Variants in SPATA6L observed in about 807,000 individuals in gnomAD.
SPATA6L encodes spermatogenesis associated 6-like protein.
SPATA6L carries 68 observed loss-of-function variants against 49.2 expected under a neutral mutation model. The observed-to-expected ratio is 1.38, with a 90% CI of 1.14 to 1.69. The LOEUF (loss-of-function observed/expected upper bound fraction) is 1.69, where lower values mean the gene tolerates loss of function less well. Ranked by LOEUF, SPATA6L falls within the 40% of genes most tolerant of loss-of-function variation. The pLI is 0.00. For missense variants in SPATA6L, 668 were observed against 464.3 expected, an observed-to-expected ratio of 1.44 and a Z score of -4.03; for synonymous variants, 198 against 165.7, an observed-to-expected ratio of 1.19 and a Z score of -1.50.
intron 3 of SPATA6L, among the ~76,000 whole-genome samples, chr9:4,636,132 G>A (rs1455398477): frequency 6.7e-6 from 1 of 149,094 alleles, no homozygotes. Context: ...TGCATAATTT[G>A]GAAATACACT....
intron 13 of SPATA6L, among the ~76,000 whole-genome samples, chr9:4,593,262 T>TA (rs1178157694): frequency 6.6e-6 from 1 of 152,226 alleles, no homozygotes; most frequent in African/African-American, 2.4e-5. Flanking sequence ...TTTTATTTGA[T>TA]ACAACCAAAT....
chr9:4,604,117 A>G (rs1824086776), intron 11 of SPATA6L, 62 bp downstream of exon 11: 3 of 1,155,210 alleles, frequency 2.6e-6, no homozygotes, highest in South Asian at 2.9e-5. Context: ...GGAAACTGAA[A>G]TTCTTTTAGC....
chr9:4,614,656 T>G (rs1827545770), intron 9 of SPATA6L, among the ~76,000 whole-genome samples: 1 of 151,956 alleles, frequency 6.6e-6, no homozygotes, highest in Non-Finnish European at 1.5e-5. Context: ...CTGTCTTGGT[T>G]TACCTGGGAC....
Position 4,662,999 on chromosome 9 carries a change from C to G in SPATA6L, c.40-963G>C, listed in dbSNP as rs142236109. ...TTGTCACTCTCTCGGTGGACAAGTA[C>G]TCCTTCCCCTCGGGCCATGCCACAA... On this transcript the variant is annotated intron_variant, in intron 1 of 11. Transcript: ENST00000682582. This position sits in a 1 kb window ranked among gnomAD's most constrained non-coding sequence, Gnocchi z 4.9. 6.2e-7 allele frequency: 1 copy of G among 1,610,532 alleles called. No individual in the cohort carries two copies. Among genetic ancestry groups the G allele is most frequent in the Non-Finnish European group, 8.5e-7 (1 of 1,178,866 alleles).
chr9:4,629,716 T>C (rs1410309580), intron 4 of SPATA6L, among the ~76,000 whole-genome samples: 3 of 149,638 alleles, frequency 2.0e-5, no homozygotes, highest in Non-Finnish European at 4.4e-5. Context: ...CTATTTTTTG[T>C]TCTTAGTACC....
intron 11 of SPATA6L, among the ~76,000 whole-genome samples, chr9:4,602,387 G>A (rs760146858): frequency 2.8e-4 from 43 of 152,260 alleles, no homozygotes; most frequent in Non-Finnish European, 5.3e-4. Context: ...AACGTTCTAA[G>A]GTAGAAGCCT....
At chr9:4,632,193 T>A (rs2130534042) in intron 4 of SPATA6L, among the ~76,000 whole-genome samples, 2 of 151,942 alleles carry the variant, frequency 1.3e-5, no homozygotes, top group South Asian at 4.2e-4. Flanking sequence ...CTAATTTTTG[T>A]ATTTTCAGTA....
rs71496487 is a variant in SPATA6L, at chr9:4,662,365, C to T, written c.40-329G>A. ...TCCGGCCAGGTCCCGGGATCCGGGCCGCCAGCTGCGATGCCAAGTCCCCGG... is the reference window on the plus strand; with the variant it reads ...TCCGGCCAGGTCCCGGGATCCGGGCTGCCAGCTGCGATGCCAAGTCCCCGG... On this transcript the variant is annotated intron_variant, in intron 1 of 11. Coordinates refer to ENST00000682582, the MANE Select transcript of SPATA6L (RefSeq NM_001353486.2). This position sits in a 1 kb window ranked among gnomAD's most constrained non-coding sequence, Gnocchi z 4.9. 2 of 1,497,238 alleles carry T rather than the reference C, an allele frequency of 1.3e-6. No homozygotes were observed. The highest frequency in any genetic ancestry group is 1.3e-5 in the South Asian group (1 of 77,592). The allele number at this position is 1,497,238 out of a possible 1,614,324, so 92.7% of individuals were successfully genotyped here.
chr9:4,664,772 T>C (rs1297833820), intron 1 of SPATA6L: 1 of 167,100 alleles, frequency 6.0e-6, no homozygotes, highest in East Asian at 1.9e-4. Context: ...TAGGTTTTGA[T>C]TGAGTGAAAG....
intron 3 of SPATA6L, among the ~76,000 whole-genome samples, chr9:4,650,869 T>TGC: frequency 8.4e-6 from 1 of 118,576 alleles, no homozygotes; most frequent in African/African-American, 3.2e-5. Context: ...TGTGTGTGTG[T>TGC]GTGTGTATTT....
Position 4,662,089 on chromosome 9 carries a change from T to C in SPATA6L, c.40-53A>G. 6.3e-7 allele frequency: 1 copy of C among 1,598,044 alleles called. No homozygotes were observed. The highest frequency in any genetic ancestry group is 8.5e-7 in the Non-Finnish European group (1 of 1,171,568). Reference sequence around the variant, plus strand: ...GGGAGAGAAAACAGACTTTGCTTTGTTTTGTTACACGGGGCTCTATTTCTC... The same window carrying C: ...GGGAGAGAAAACAGACTTTGCTTTGCTTTGTTACACGGGGCTCTATTTCTC... On this transcript the variant is annotated intron_variant, in intron 1 of 11. Transcript: ENST00000682582. This position sits in a 1 kb window ranked among gnomAD's most constrained non-coding sequence, Gnocchi z 4.9.
chr9:4,594,777 C>T (rs1564081267), downstream of SPATA6L, among the ~76,000 whole-genome samples: 1 of 152,120 alleles, frequency 6.6e-6, no homozygotes, highest in Non-Finnish European at 1.5e-5. Flanking sequence ...TTTCTCTTCC[C>T]ACGTAATTCT....
intron 4 of SPATA6L, among the ~76,000 whole-genome samples, chr9:4,629,769 G>GTGTGTGTGTATATATATATATATATA (rs1311805859): frequency 6.9e-5 from 7 of 101,916 alleles, no homozygotes; most frequent in South Asian, 6.7e-4. Context: ...GTGTGTGTGT[G>GTGTGTGTGTATATATATATATATATA]TATATATATA....
chr9:4,607,491 C>A (rs1391023232), intron 9 of SPATA6L, among the ~76,000 whole-genome samples: 8 of 152,134 alleles, frequency 5.3e-5, no homozygotes, highest in South Asian at 2.1e-4. Flanking sequence ...GCCAATATTC[C>A]ACATTCTTAA....
chr9:4,666,446 G>T lies in SPATA6L; in HGVS notation c.-196C>A, dbSNP rs536508497. ...GACGGGTCTCTCACACTCGAAGCTG[G>T]AGTGCAGGCTTCCAGAAGGCGGAAG... On this transcript the variant is annotated 5_prime_UTR_variant, in exon 1 of 12. Coordinates refer to ENST00000682582, the MANE Select transcript of SPATA6L (RefSeq NM_001353486.2). 3 of 606,012 alleles carry T rather than the reference G, an allele frequency of 5.0e-6. No homozygotes were observed. The highest frequency in any genetic ancestry group is 5.6e-5 in the East Asian group (2 of 35,418). The allele number at this position is 606,012 out of a possible 1,614,324, so 37.5% of individuals were successfully genotyped here.
In SPATA6L at chr9:4,656,067, G is replaced by A; in HGVS notation, c.200C>T (p.Pro67Leu). Residue 67 changes from proline to leucine, a missense_variant, in exon 3 of 12, where the codon CCT (proline) becomes CTT (leucine). Transcript: ENST00000682582. ...TTCCAAAAGGTCTACTACAGCTCCA[G>A]GATCTACTGCACTTTCAAATACCTG... ...FEKVFESAVD[P>L]GAVVDLLEMW... The A allele has an allele frequency of 6.2e-7, 1 of 1,612,812 alleles. No individual in the cohort carries two copies. The highest frequency in any genetic ancestry group is 8.5e-7 in the Non-Finnish European group (1 of 1,179,440).
At position 4,661,969 on chromosome 9, in the gene SPATA6L, T is replaced by C. The variant is rs1456586272; in HGVS notation, c.107A>G (p.Gln36Arg). The change falls in exon 2 of 12, where the codon CAG becomes CGG. Residue 36 changes from glutamine to arginine, a missense_variant. Coordinates refer to ENST00000682582, the MANE Select transcript of SPATA6L (RefSeq NM_001353486.2). ...GGGAAAGCTGTTGGTCTCCAGGTACTGATTCATGAGGTAGACCCCGAGGTA... is the reference window on the plus strand; with the variant it reads ...GGGAAAGCTGTTGGTCTCCAGGTACCGATTCATGAGGTAGACCCCGAGGTA... ...DVYLGVYLMN[Q>R]YLETNSFPSA... 1 of 1,614,122 alleles carries C rather than the reference T, an allele frequency of 6.2e-7. No individual in the cohort carries two copies. The highest frequency in any genetic ancestry group is 1.3e-5 in the African/African-American group (1 of 75,042).
At chr9:4,595,892 G>A (rs1822214640), downstream of SPATA6L, among the ~76,000 whole-genome samples, 1 of 152,180 alleles carries the variant, frequency 6.6e-6, no homozygotes, top group Non-Finnish European at 1.5e-5. Context: ...GTGGCTTTGG[G>A]CAAGACCCAG....
downstream of SPATA6L, among the ~76,000 whole-genome samples, chr9:4,595,699 C>G (rs1283435425): frequency 6.6e-6 from 1 of 152,176 alleles, no homozygotes; most frequent in South Asian, 2.1e-4. Flanking sequence ...AACACCAATA[C>G]CCCACTGTTT....
Sources: gnomAD v4.1 joint callset for allele counts (sites outside exome capture counted in the v4.1 genomes callset) on GRCh38, gnomAD v4.1.1 for gene constraint, Gnocchi (gnomAD v3.1) non-coding constraint, MANE v1.5 for transcripts, NCBI Gene and HGNC (gene_info 2026-07-23, HGNC 2026-07-21) for gene names.